DNAH14: variants seen among roughly 807,000 people sequenced by gnomAD.
DNAH14 encodes dynein axonemal heavy chain 14, also known as axonemal beta dynein heavy chain 14.
In DNAH14, 478 loss-of-function variants were observed where a neutral mutation model predicts 520.9. The ratio of observed to expected loss-of-function variants is 0.92; its 90% CI spans 0.85 to 0.99. DNAH14 has a LOEUF of 0.99. Among genes scored for constraint, DNAH14 ranks in the 50% least tolerant of loss-of-function variants. The probability of loss-of-function intolerance (pLI) is 0.00; values close to 1 mark genes in which losing one functional copy is unlikely to be tolerated. For missense variants in DNAH14, 4,831 were observed against 5,234.5 expected, an observed-to-expected ratio of 0.92 and a Z score of 2.38; for synonymous variants, 1,581 against 1,757.2, an observed-to-expected ratio of 0.90 and a Z score of 2.51.
chr1:224,975,827 A>C (rs2061788241), intron 8 of DNAH14, among the ~76,000 whole-genome samples: 1 of 151,094 alleles, frequency 6.6e-6, no homozygotes, highest in South Asian at 2.1e-4. Flanking sequence ...TTAGGGTGTC[A>C]ATTTTGGATC....
chr1:225,100,651 T>C, intron 22 of DNAH14, 62 bp from the exon 23 acceptor site: 1 of 1,270,272 alleles, frequency 7.9e-7, no homozygotes, highest in Non-Finnish European at 1.1e-6. Flanking sequence ...ATGCATTACA[T>C]TATAGATTTT....
At chr1:225,056,385 T>A (rs1053522867) in intron 17 of DNAH14, among the ~76,000 whole-genome samples, 5 of 151,640 alleles carry the variant, frequency 3.3e-5, no homozygotes, top group Non-Finnish European at 7.4e-5. Context: ...GGGGTTGTTT[T>A]TTGCTTGTAA....
intron 38 of DNAH14, among the ~76,000 whole-genome samples, chr1:225,199,464 TAA>T (rs939163644): frequency 2.0e-5 from 3 of 152,172 alleles, no homozygotes; most frequent in African/African-American, 7.2e-5. Flanking sequence ...CTTTTTGATA[TAA>T]GTGTTTAGGG....
chr1:225,267,122 A>C (rs1029456781), intron 49 of DNAH14, among the ~76,000 whole-genome samples: 1 of 152,118 alleles, frequency 6.6e-6, no homozygotes, highest in Non-Finnish European at 1.5e-5. Flanking sequence ...AAGCCAGTGA[A>C]AATATGGCCC....
At chr1:225,287,857 T>C (rs2093782789) in intron 54 of DNAH14, among the ~76,000 whole-genome samples, 1 of 151,980 alleles carries the variant, frequency 6.6e-6, no homozygotes, top group African/African-American at 2.4e-5. Context: ...AAGAGCCAAC[T>C]AAAAGAGTTC....
intron 17 of DNAH14, among the ~76,000 whole-genome samples, chr1:225,066,956 C>G (rs1026022007): frequency 6.6e-6 from 1 of 152,020 alleles, no homozygotes; most frequent in Non-Finnish European, 1.5e-5. Context: ...CTGCTATAAA[C>G]GTGTGTACAT....
intron 23 of DNAH14, among the ~76,000 whole-genome samples, chr1:225,103,364 A>G (rs1287257670): frequency 3.9e-5 from 6 of 152,098 alleles, no homozygotes; most frequent in Admixed American, 3.9e-4. Context: ...CATTGACTTG[A>G]CAATGCGGGC....
At chr1:225,127,486 CT>C (rs1281093244) in intron 27 of DNAH14, among the ~76,000 whole-genome samples, 1 of 152,062 alleles carries the variant, frequency 6.6e-6, no homozygotes, top group African/African-American at 2.4e-5. Context: ...CTCCTTTGAT[CT>C]TTGTTGGTTT....
intron 7 of DNAH14, among the ~76,000 whole-genome samples, chr1:224,970,174 C>T (rs1012054927): frequency 6.6e-6 from 1 of 152,126 alleles, no homozygotes; most frequent in African/African-American, 2.4e-5. Context: ...TCTGAAATGG[C>T]CGCTTCGGGG....
chr1:225,259,373 A>C, intron 46 of DNAH14, 120 bp downstream of exon 46: 2 of 692,550 alleles, frequency 2.9e-6, no homozygotes, highest in Non-Finnish European at 4.3e-6. Flanking sequence ...AATCATTCAA[A>C]AGAGGAGATA....
intron 23 of DNAH14, among the ~76,000 whole-genome samples, chr1:225,106,996 A>G (rs1213743269): frequency 1.3e-5 from 2 of 151,554 alleles, no homozygotes; most frequent in African/African-American, 4.9e-5. Context: ...TTTTTTCCCT[A>G]TCTTTGTGGT....
In DNAH14 at chr1:225,364,897, A is replaced by C; in HGVS notation, c.12090+3A>C. ...CTGTTCTTAAAAAGGGTTTAAAGGT[A>C]AGAACAAAGTATAACAGATTTAATG... On this transcript the variant is annotated splice_donor_region_variant and intron_variant, in intron 76 of 85. Coordinates refer to ENST00000682510, the MANE Select transcript of DNAH14 (RefSeq NM_001367479.1). The C allele has an allele frequency of 1.3e-6, 2 of 1,539,084 alleles. No homozygotes were observed. Among genetic ancestry groups the C allele is most frequent in the South Asian group, 2.4e-5 (2 of 82,530 alleles).
intron 10 of DNAH14, among the ~76,000 whole-genome samples, chr1:225,011,092 A>C (rs1191523513): frequency 6.8e-6 from 1 of 147,974 alleles, no homozygotes; most frequent in Non-Finnish European, 1.5e-5. Context: ...GTGTGTCTCT[A>C]TTTCCTTCAG....
chr1:225,153,382 C>T (rs989654739), intron 33 of DNAH14, among the ~76,000 whole-genome samples: 1 of 152,106 alleles, frequency 6.6e-6, no homozygotes, highest in African/African-American at 2.4e-5. Flanking sequence ...AATTATTGTT[C>T]TAGCATATGC....
At chr1:225,335,395 A>ACATGTGTGTGTGCACATATACACG (rs1558428584) in intron 66 of DNAH14, among the ~76,000 whole-genome samples, 1 of 66,786 alleles carries the variant, frequency 1.5e-5, no homozygotes, top group East Asian at 5.6e-4. Flanking sequence ...ACATATACAC[A>ACATGTGTGTGTGCACATATACACG]TGTGTACATG....
intron 84 of DNAH14, 59 bp downstream of exon 84, chr1:225,392,510 C>A: frequency 3.3e-6 from 5 of 1,535,328 alleles, no homozygotes; most frequent in Non-Finnish European, 4.4e-6. Context: ...TTTATTCATT[C>A]AATCAATTGT....
rs371888474 is a variant in DNAH14 at position 225,071,897 on chromosome 1, C to T, written c.2425-7310C>T. ...GCCCCCATGATTCAATCACTTCCCA[C>T]GACATGTGGGGATTATGGGAACTAC... On this transcript the variant is annotated intron_variant, in intron 17 of 85. Transcript: ENST00000682510. 1.2e-3 allele frequency among the ~76,000 whole-genome samples: 179 copies of T among 152,276 alleles called. 1 individual carries two copies. Among genetic ancestry groups the T allele is most frequent in the South Asian group, 8.3e-3 (40 of 4,814 alleles).
chr1:225,032,516 A>G (rs374057216), intron 11 of DNAH14, among the ~76,000 whole-genome samples: 1 of 152,104 alleles, frequency 6.6e-6, no homozygotes, highest in Non-Finnish European at 1.5e-5. Flanking sequence ...TATCTTTGCT[A>G]TTGTGAACAG....
intron 17 of DNAH14, among the ~76,000 whole-genome samples, chr1:225,065,076 C>A (rs1275006687): frequency 6.6e-6 from 1 of 151,870 alleles, no homozygotes; most frequent in African/African-American, 2.4e-5. Flanking sequence ...TTAATGGTTG[C>A]AAAGCTGTTT....
Sources: allele counts gnomAD v4.1 joint callset (sites outside exome capture counted in the v4.1 genomes callset), GRCh38; gene constraint gnomAD v4.1.1; transcripts MANE v1.5; gene names NCBI Gene and HGNC (gene_info 2026-07-23, HGNC 2026-07-21).